NRDE2: variants seen among roughly 807,000 people sequenced by gnomAD.
NRDE2 encodes NRDE-2, necessary for RNA interference, domain containing.
Under a neutral mutation model 124.2 loss-of-function variants are expected in NRDE2, and 76 were observed. The ratio of observed to expected loss-of-function variants is 0.61; its 90% CI spans 0.51 to 0.74. NRDE2 has a LOEUF of 0.74. NRDE2 is among the 30% of genes least tolerant of loss of function. The pLI is 0.00. For synonymous variants in NRDE2, 489 were observed against 528.1 expected (o/e 0.93, Z 1.01); for missense variants, 1,314 against 1,417.3 (o/e 0.93, Z 1.17).
At chr14:90,310,453 CTT>C (rs1408133897) in intron 4 of NRDE2, among the ~76,000 whole-genome samples, 2 of 151,698 alleles carry the variant, frequency 1.3e-5, no homozygotes, top group Non-Finnish European at 2.9e-5. Flanking sequence ...GACAGGCTAA[CTT>C]AAGTGAAATA....
rs752480912 is a variant in NRDE2 at position 90,304,238 on chromosome 14, G to A, written c.702C>T (p.Ile234=). 17 of 1,613,992 alleles carry A rather than the reference G, an allele frequency of 1.1e-5. No homozygotes were observed. Among genetic ancestry groups the A allele is most frequent in the Admixed American group, 8.3e-5 (5 of 59,994 alleles). Residue 234 remains isoleucine (I), a synonymous_variant, in exon 5 of 14, where the codon ATC becomes ATT. Transcript: ENST00000354366. ...TTTTACTGCTAATGGCAACTCCATC[G>A]ATGTTCATTAATCCCACACTCTTCT... The part of the protein sequence containing the change: ...FTKKSVGLMN[I]DGVAISSKTE...
chr14:90,270,283 G>A lies in NRDE2; in HGVS notation c.*8053C>T, dbSNP rs367830385. 9 of 1,613,570 alleles carry A rather than the reference G, an allele frequency of 5.6e-6. No individual in the cohort carries two copies. Among genetic ancestry groups the A allele is most frequent in the African/African-American group, 1.3e-5 (1 of 74,810 alleles). The stretch of plus-strand genomic sequence containing the variant: ...TTCAGATTCACACAAGCAGGATGAC[G>A]CTGGCTGATGATGTAACCCTGGACG... On this transcript the variant is annotated 3_prime_UTR_variant, in exon 14 of 14. Transcript: ENST00000354366.
chr14:90,305,134 C>T (rs1253752443), intron 4 of NRDE2, among the ~76,000 whole-genome samples: 1 of 151,152 alleles, frequency 6.6e-6, no homozygotes, highest in Non-Finnish European at 1.5e-5. Flanking sequence ...CAAAAGAAGA[C>T]ATGAATAGCC....
intron 1 of NRDE2, among the ~76,000 whole-genome samples, chr14:90,324,355 A>G (rs1174383167): frequency 6.6e-6 from 1 of 152,122 alleles, no homozygotes; most frequent in East Asian, 1.9e-4. Context: ...TATTTGAAAG[A>G]TGAGCAGCAA....
At chr14:90,315,326 G>A (rs568515990) in intron 3 of NRDE2, among the ~76,000 whole-genome samples, 3 of 151,754 alleles carry the variant, frequency 2.0e-5, no homozygotes, top group African/African-American at 4.8e-5. Flanking sequence ...AGGCAAGATC[G>A]TACCACTGCA....
chr14:90,269,270 G>A lies in NRDE2; in HGVS notation c.*9066C>T. ...TTATTTTTTCCGAGCATAATTGAGG[G>A]AGTGCCATGTGAGTTGAAACAGGAA... On this transcript the variant is annotated 3_prime_UTR_variant, in exon 14 of 14. Coordinates refer to ENST00000354366, the MANE Select transcript of NRDE2 (RefSeq NM_017970.4). 1.3e-6 allele frequency: 1 copy of A among 764,986 alleles called. No individual in the cohort carries two copies. Among genetic ancestry groups the A allele is most frequent in the Admixed American group, 2.8e-5 (1 of 35,766 alleles). 47.4% of individuals were successfully genotyped at this position (764,986 alleles called of 1,614,324 possible).
intron 1 of NRDE2, among the ~76,000 whole-genome samples, chr14:90,323,223 G>A (rs899934917): frequency 6.6e-6 from 1 of 152,088 alleles, no homozygotes; most frequent in African/African-American, 2.4e-5. Flanking sequence ...ATGAATCATC[G>A]CTGAATAATT....
intron 4 of NRDE2, among the ~76,000 whole-genome samples, chr14:90,309,817 C>T (rs1419986074): frequency 6.6e-6 from 1 of 152,164 alleles, no homozygotes; most frequent in Non-Finnish European, 1.5e-5. Flanking sequence ...AGCTACTAAT[C>T]CAGGCAAGAT....
chr14:90,291,063 T>A (rs1407686243), intron 9 of NRDE2, among the ~76,000 whole-genome samples: 2 of 151,984 alleles, frequency 1.3e-5, no homozygotes, highest in Admixed American at 1.3e-4. Flanking sequence ...CTCCAAGAAA[T>A]GAAAAATATA....
At chr14:90,311,451 G>C (rs945289547) in intron 4 of NRDE2, among the ~76,000 whole-genome samples, 2 of 152,032 alleles carry the variant, frequency 1.3e-5, no homozygotes, top group African/African-American at 2.4e-5. Context: ...TGCTGTTCTC[G>C]TGACAGTGAG....
At position 90,292,757 on chromosome 14, in the gene NRDE2, G is replaced by C. The variant is rs1406815019; in HGVS notation, c.1782C>G (p.Pro594=). Residue 594 remains proline, a synonymous_variant, in exon 9 of 14, where the codon CCC becomes CCG. Transcript: ENST00000354366. ...ERSRDQRHWR[P]WRPDKTKKQT... is the part of the protein sequence containing the mutation. ...GCTTCTTGGTCTTATCAGGGCGCCA[G>C]GGCCGCCAGTGCCTCTGGTCACGGG... The C allele has an allele frequency of 1.2e-6, 2 of 1,614,228 alleles. No individual in the cohort carries two copies. Among genetic ancestry groups the C allele is most frequent in the Admixed American group, 3.3e-5 (2 of 60,026 alleles).
chr14:90,280,419 C>T (rs1891922121), intron 12 of NRDE2: 1 of 152,272 alleles, frequency 6.6e-6, no homozygotes, highest in Admixed American at 6.5e-5. Flanking sequence ...AATTTATAAC[C>T]AAAGAGCCAC....
At position 90,284,351 on chromosome 14, in the gene NRDE2, T is replaced by G. The variant is rs1308938381; in HGVS notation, c.3297+2003A>C. 1.0e-4 allele frequency among the ~76,000 whole-genome samples: 12 copies of G among 118,710 alleles called. No homozygotes were observed. The South Asian group carries it at 2.6e-3, about 26-fold the overall frequency. The allele number at this position is 118,710 out of a possible 152,430, so 77.9% of individuals were successfully genotyped here. ...AGGAGGTCACTTTGTTTTTTTTCTA[T>G]TTTTTTTTTTTTTTTGAGACAGGGT... is the stretch of plus-strand genomic sequence containing the variant. On this transcript the variant is annotated intron_variant, in intron 12 of 13. Coordinates refer to ENST00000354366, the MANE Select transcript of NRDE2 (RefSeq NM_017970.4).
chr14:90,327,439 C>T (rs991236155), intron 1 of NRDE2, among the ~76,000 whole-genome samples: 4 of 152,082 alleles, frequency 2.6e-5, no homozygotes, highest in Admixed American at 2.6e-4. Context: ...GTCCTAGCTA[C>T]TCAGGAGGCT....
chr14:90,312,333 G>T, intron 4 of NRDE2, 61 bp downstream of exon 4: 1 of 1,541,954 alleles, frequency 6.5e-7, no homozygotes, highest in Non-Finnish European at 8.9e-7. Context: ...TGCCAAGAGA[G>T]TTCCGAGGAG....
In NRDE2 at chr14:90,290,267, T is replaced by G. The variant is rs201828484; in HGVS notation, c.2183A>C (p.Glu728Ala). The change falls in exon 10 of 14, where the codon GAG (glutamate) becomes GCG (alanine). Residue 728 changes from glutamate (E) to alanine (A), a missense_variant. Coordinates refer to ENST00000354366, the MANE Select transcript of NRDE2 (RefSeq NM_017970.4). The part of the protein sequence containing the change: ...HLVMPLFSGK[E>A]KSQLCFSWLQ... ...CCAGGAGAAGCAGAGCTGGGACTTCTCTTTGCCTGAAAATAAAGGCATGAC... is the reference window on the plus strand; with the variant it reads ...CCAGGAGAAGCAGAGCTGGGACTTCGCTTTGCCTGAAAATAAAGGCATGAC... 8 of 1,614,084 alleles carry G rather than the reference T, an allele frequency of 5.0e-6. No individual in the cohort carries two copies. The highest frequency in any genetic ancestry group is 5.9e-6 in the Non-Finnish European group (7 of 1,180,018).
chr14:90,301,351 T>G lies in NRDE2; in HGVS notation c.1433A>C (p.His478Pro), dbSNP rs763726146. 1 of 1,613,918 alleles carries G rather than the reference T, an allele frequency of 6.2e-7. No individual in the cohort carries two copies. Reference protein sequence around the residue: ...AMFALFLQQCHFLRQAGHSEK... With the variant: ...AMFALFLQQCPFLRQAGHSEK... ...AGAGTGGCCAGCCTGCCGCAGAAAG[T>G]GGCACTGCTGAAGAAAGAGTGCTGC... Residue 478 changes from histidine (H) to proline (P), a missense_variant, in exon 7 of 14, where the codon CAC (histidine) becomes CCC (proline). His to Pro is a moderately conservative substitution (Grantham distance 77, BLOSUM62 -2). Coordinates refer to ENST00000354366, the MANE Select transcript of NRDE2 (RefSeq NM_017970.4).
chr14:90,328,913 T>C (rs576994541), intron 1 of NRDE2, among the ~76,000 whole-genome samples: 56 of 152,344 alleles, frequency 3.7e-4, no homozygotes, highest in Non-Finnish European at 6.6e-4. Flanking sequence ...TGGCTGTATT[T>C]TGGAAATTGA....
At chr14:90,331,799 T>C in intron 1 of NRDE2, 42 bp downstream of exon 1, 1 of 1,606,016 alleles carries the variant, frequency 6.2e-7, no homozygotes. Context: ...AACAGCCTCT[T>C]AAGCCCCCCA....
Sources: allele counts gnomAD v4.1 joint callset (sites outside exome capture counted in the v4.1 genomes callset), GRCh38; gene constraint gnomAD v4.1.1; transcripts MANE v1.5; gene names NCBI Gene and HGNC (gene_info 2026-07-23, HGNC 2026-07-21).